Variants in ANKRD54 observed in about 807,000 individuals in gnomAD.
ANKRD54 encodes ankyrin repeat domain 54.
Under a neutral mutation model 36.2 loss-of-function variants are expected in ANKRD54, and 26 were observed. The observed-to-expected ratio is 0.72, with a 90% CI of 0.53 to 1.00. The LOEUF (loss-of-function observed/expected upper bound fraction) is 1.00. Ranked by LOEUF, ANKRD54 falls within the 50% of genes least tolerant of loss-of-function variation. The probability of loss-of-function intolerance (pLI) is 0.00; values close to 1 mark genes in which losing one functional copy is unlikely to be tolerated. For missense variants in ANKRD54, 384 were observed against 424.3 expected (o/e 0.91, Z 0.83); for synonymous variants, 209 against 188.4 (o/e 1.11, Z -0.89).
chr22:37,838,608 C>T lies in ANKRD54; in HGVS notation c.377-10G>A, dbSNP rs962185715. 9.3e-6 allele frequency: 15 copies of T among 1,605,750 alleles called. No homozygotes were observed. Among genetic ancestry groups the T allele is most frequent in the Non-Finnish European group, 1.3e-5 (15 of 1,177,562 alleles). On this transcript the variant is annotated splice_polypyrimidine_tract_variant and intron_variant, in intron 2 of 7. Coordinates refer to ENST00000215941, the MANE Select transcript of ANKRD54 (RefSeq NM_138797.4). Reference sequence around the variant, plus strand: ...TCCAGCAGCTGCTGCACTGACACCACCAAGACAGAGGGAGGAAGGGGGAGA... The same window carrying T: ...TCCAGCAGCTGCTGCACTGACACCATCAAGACAGAGGGAGGAAGGGGGAGA...
At chr22:37,845,721 T>C (rs1368539381), upstream of ANKRD54, among the ~76,000 whole-genome samples, 1 of 151,938 alleles carries the variant, frequency 6.6e-6, no homozygotes, top group African/African-American at 2.4e-5. Flanking sequence ...ATACAAAAAT[T>C]AGCTGGGTGT....
At chr22:37,836,730 G>GT (rs1250996652) in intron 3 of ANKRD54, among the ~76,000 whole-genome samples, 3 of 150,074 alleles carry the variant, frequency 2.0e-5, no homozygotes, top group African/African-American at 7.4e-5. Flanking sequence ...AGAACTTAAA[G>GT]TTTAAAAAAA....
intron 3 of ANKRD54, 88 bp downstream of exon 3, chr22:37,838,412 G>T: frequency 7.7e-7 from 1 of 1,304,266 alleles, no homozygotes; most frequent in Non-Finnish European, 1.1e-6. Context: ...GGCATCCCAA[G>T]GCTGTGCAGA....
intron 3 of ANKRD54, among the ~76,000 whole-genome samples, chr22:37,836,147 A>G (rs900312511): frequency 6.7e-6 from 1 of 148,766 alleles, no homozygotes; most frequent in Middle Eastern, 3.4e-3. Context: ...ACTTGTTTTT[A>G]AAAAAATGGA....
upstream of ANKRD54, chr22:37,847,763 C>T (rs576229161): frequency 6.9e-6 from 3 of 431,688 alleles, no homozygotes; most frequent in African/African-American, 4.2e-5. Flanking sequence ...TGAACCAAAT[C>T]GAGGGTCGGT....
chr22:37,845,021 CAAAAA>C (rs10600027), upstream of ANKRD54, among the ~76,000 whole-genome samples: 9,796 of 119,128 alleles, frequency 0.082, 428 homozygotes, highest in African/African-American at 0.12. Context: ...TCAATGAACG[CAAAAA>C]AAAAAAAAAA....
intron 2 of ANKRD54, among the ~76,000 whole-genome samples, chr22:37,839,118 G>A (rs779839286): frequency 1.3e-5 from 2 of 151,992 alleles, no homozygotes; most frequent in Non-Finnish European, 2.9e-5. Flanking sequence ...TAGGTGATCC[G>A]CCCACTTCAG....
Position 37,832,002 on chromosome 22 carries a change from C to T in ANKRD54, c.844G>A (p.Asp282Asn). 6.2e-7 allele frequency: 1 copy of T among 1,613,168 alleles called. No individual in the cohort carries two copies. The highest frequency in any genetic ancestry group is 8.5e-7 in the Non-Finnish European group (1 of 1,179,688). The change falls in exon 8 of 8, where the codon GAC becomes AAC. Residue 282 changes from aspartate to asparagine, a missense_variant. By Grantham distance (23) the Asp-to-Asn change is conservative. Transcript: ENST00000215941. ...AGGGAGGTGAAGCTGGCCAGGAGGT[C>T]AGTCACTTCATCCACCTGCAGGACG... ...STKEQVDEVT[D>N]LLASFTSLSL...
At chr22:37,837,110 A>G (rs946480505) in intron 3 of ANKRD54, among the ~76,000 whole-genome samples, 2 of 152,010 alleles carry the variant, frequency 1.3e-5, no homozygotes, top group African/African-American at 4.8e-5. Context: ...TTAAACCACT[A>G]TGAGACACCA....
At position 37,844,079 on chromosome 22, in the gene ANKRD54, A is replaced by G; in HGVS notation, c.160T>C (p.Ser54Pro). ...TGGGCCCCGCCGGACGCCCGGCCCG[A>G]GAGGCCCGCGCCGCCGCCGCCCAGC... Reference protein sequence around the residue: ...SALGGGGAGLSGRASGGAQSP... With the variant: ...SALGGGGAGLPGRASGGAQSP... Residue 54 changes from serine (S) to proline (P), a missense_variant, in exon 1 of 8, where the codon TCG (serine) becomes CCG (proline). By Grantham distance (74) the Ser-to-Pro change is moderately conservative. This residue lies in a region of ANKRD54 where 195 missense variants were observed against 177.7 expected (regional missense o/e 1.10). Coordinates refer to ENST00000215941, the MANE Select transcript of ANKRD54 (RefSeq NM_138797.4). The G allele has an allele frequency of 1.4e-6, 2 of 1,442,890 alleles. No individual in the cohort carries two copies. The highest frequency in any genetic ancestry group is 5.9e-5 in the Admixed American group (2 of 34,012). 89.4% of individuals were successfully genotyped at this position (1,442,890 alleles called of 1,614,324 possible).
Position 37,831,715 on chromosome 22 carries a change from G to C in ANKRD54, c.*228C>G. ...TGGTCTGGTGCTGCGAGAACTGGAA[G>C]AAGCTGGGAGCTGTGGTCCCTGTCC... On this transcript the variant is annotated 3_prime_UTR_variant, in exon 8 of 8. Coordinates refer to ENST00000215941, the MANE Select transcript of ANKRD54 (RefSeq NM_138797.4). The C allele has an allele frequency of 5.3e-6, 3 of 570,328 alleles. No homozygotes were observed. The highest frequency in any genetic ancestry group is 9.4e-6 in the Non-Finnish European group (3 of 318,534). The allele number at this position is 570,328 out of a possible 1,614,324, so 35.3% of individuals were successfully genotyped here.
intron 1 of ANKRD54, among the ~76,000 whole-genome samples, chr22:37,842,529 T>C (rs1375942659): frequency 6.6e-6 from 1 of 152,228 alleles, no homozygotes; most frequent in Admixed American, 6.5e-5. Flanking sequence ...GTTACACAGA[T>C]AATCTTATAT....
chr22:37,838,951 A>G (rs752636521), intron 2 of ANKRD54, among the ~76,000 whole-genome samples: 6 of 152,146 alleles, frequency 3.9e-5, no homozygotes, highest in Admixed American at 2.0e-4. Flanking sequence ...TTCTGGCTGG[A>G]AACAGCTGCC....
intron 4 of ANKRD54, 42 bp downstream of exon 4, chr22:37,833,642 T>C (rs1052517655): frequency 2.5e-6 from 4 of 1,607,502 alleles, no homozygotes; most frequent in Admixed American, 3.3e-5. Context: ...GAGCCTTTCT[T>C]TGCTGCAAAT....
intron 3 of ANKRD54, chr22:37,834,554 G>A (rs1243791391): frequency 1.3e-5 from 2 of 151,610 alleles, no homozygotes; most frequent in Non-Finnish European, 2.9e-5. Context: ...AAAATTAGCT[G>A]GGCATAGTGA....
chr22:37,836,014 T>A (rs1024221688), intron 3 of ANKRD54, among the ~76,000 whole-genome samples: 1 of 151,742 alleles, frequency 6.6e-6, no homozygotes, highest in Non-Finnish European at 1.5e-5. Flanking sequence ...TTTTGTATAT[T>A]TAGTAGAGAT....
chr22:37,836,535 C>T (rs1923571745), intron 3 of ANKRD54, among the ~76,000 whole-genome samples: 1 of 136,786 alleles, frequency 7.3e-6, no homozygotes, highest in Non-Finnish European at 1.6e-5. Flanking sequence ...TAATTGGACA[C>T]AGGGAGGGGA....
chr22:37,840,594 C>A (rs1001084503), intron 1 of ANKRD54, among the ~76,000 whole-genome samples: 5 of 148,570 alleles, frequency 3.4e-5, no homozygotes, highest in African/African-American at 5.0e-5. Flanking sequence ...ACAAAAAAAA[C>A]ACAGCCATTG....
chr22:37,838,907 C>T (rs1375455171), intron 2 of ANKRD54, among the ~76,000 whole-genome samples: 2 of 152,108 alleles, frequency 1.3e-5, no homozygotes, highest in Non-Finnish European at 2.9e-5. Flanking sequence ...GACAGTGGTC[C>T]CCCTCCCGTG....
Sources: allele counts gnomAD v4.1 joint callset (sites outside exome capture counted in the v4.1 genomes callset), GRCh38; gene constraint gnomAD v4.1.1; regional missense constraint gnomAD v4.1.1; transcripts MANE v1.5; gene names NCBI Gene and HGNC (gene_info 2026-07-23, HGNC 2026-07-21).